Variants in CRPPA observed in about 807,000 individuals in gnomAD.
CRPPA encodes CDP-L-ribitol pyrophosphorylase A.
Under a neutral mutation model 52.0 loss-of-function variants are expected in CRPPA, and 43 were observed. The ratio of observed to expected loss-of-function variants is 0.83; its 90% confidence interval spans 0.65 to 1.07. The LOEUF (loss-of-function observed/expected upper bound fraction) is 1.07. Ranked by LOEUF, CRPPA falls within the 50% of genes least tolerant of loss-of-function variation. CRPPA has a pLI of 0.00. For missense variants in CRPPA, 629 were observed against 551.7 expected, an observed-to-expected ratio of 1.14 and a Z score of -1.40; for synonymous variants, 250 against 203.5, an observed-to-expected ratio of 1.23 and a Z score of -1.94.
chr7:16,321,707 A>G (rs920936057), intron 3 of CRPPA, among the ~76,000 whole-genome samples: 2 of 151,960 alleles, frequency 1.3e-5, no homozygotes, highest in African/African-American at 4.8e-5. Flanking sequence ...AGTTGGAGGA[A>G]CCAATTGGAT....
chr7:16,203,997 A>G (rs1278879795), intron 9 of CRPPA, among the ~76,000 whole-genome samples: 1 of 152,192 alleles, frequency 6.6e-6, no homozygotes, highest in East Asian at 1.9e-4. Context: ...CAAAATTTTA[A>G]GGATACTGGT....
chr7:16,258,367 A>C, intron 8 of CRPPA, 23 bp downstream of exon 8: 2 of 1,449,946 alleles, frequency 1.4e-6, no homozygotes, highest in Non-Finnish European at 1.9e-6. Context: ...AGTTTGAGAA[A>C]AATCTGCATT....
At chr7:16,110,902 C>T (rs759843394) in intron 9 of CRPPA, among the ~76,000 whole-genome samples, 1 of 151,652 alleles carries the variant, frequency 6.6e-6, no homozygotes, top group Non-Finnish European at 1.5e-5. Context: ...GATTGGACTA[C>T]ATAAGTACAG....
intron 9 of CRPPA, among the ~76,000 whole-genome samples, chr7:16,212,459 T>C (rs1782176541): frequency 6.6e-6 from 1 of 152,216 alleles, no homozygotes. Flanking sequence ...TCCCCCACTG[T>C]CTTCCACTGT....
intron 8 of CRPPA, among the ~76,000 whole-genome samples, chr7:16,244,441 A>C (rs921151193): frequency 1.8e-4 from 27 of 152,256 alleles, no homozygotes; most frequent in African/African-American, 6.3e-4. Context: ...GTTCAAAGTT[A>C]CATGACCCTT....
chr7:16,366,071 C>T (rs1786581415), intron 3 of CRPPA, among the ~76,000 whole-genome samples: 1 of 152,190 alleles, frequency 6.6e-6, no homozygotes, highest in Non-Finnish European at 1.5e-5. Context: ...ATCAAGGCTT[C>T]AGACCCTGTG....
intron 8 of CRPPA, among the ~76,000 whole-genome samples, chr7:16,254,221 A>T (rs1299515917): frequency 6.6e-6 from 1 of 152,186 alleles, no homozygotes; most frequent in African/African-American, 2.4e-5. Flanking sequence ...CATTTAACCC[A>T]GAGATCCCAT....
chr7:16,153,311 A>T (rs927267075), intron 9 of CRPPA, among the ~76,000 whole-genome samples: 3 of 152,058 alleles, frequency 2.0e-5, no homozygotes, highest in African/African-American at 7.2e-5. Flanking sequence ...CTGTGAGCAA[A>T]GTCTTTCCCT....
intron 2 of CRPPA, among the ~76,000 whole-genome samples, chr7:16,389,928 A>AAAAAATATATAT: frequency 1.7e-4 from 5 of 29,756 alleles, no homozygotes; most frequent in Admixed American, 5.4e-4. Context: ...AAAAAAAAAA[A>AAAAAATATATAT]ATATATATAT....
chr7:16,225,093 A>T (rs1782613743), intron 8 of CRPPA, among the ~76,000 whole-genome samples: 1 of 152,152 alleles, frequency 6.6e-6, no homozygotes, highest in South Asian at 2.1e-4. Context: ...GCATTAAAAC[A>T]TTAACCATAC....
At chr7:16,397,457 C>T (rs1012578131) in intron 2 of CRPPA, among the ~76,000 whole-genome samples, 13 of 152,144 alleles carry the variant, frequency 8.5e-5, no homozygotes, top group Non-Finnish European at 1.5e-4. Context: ...AGACGTGACA[C>T]GTGACATGTG....
At chr7:16,389,591 A>G (rs1787382967) in intron 2 of CRPPA, among the ~76,000 whole-genome samples, 1 of 152,104 alleles carries the variant, frequency 6.6e-6, no homozygotes, top group Non-Finnish European at 1.5e-5. Flanking sequence ...TAGAAACAGA[A>G]GAGATCTTGC....
intron 3 of CRPPA, among the ~76,000 whole-genome samples, chr7:16,348,197 C>A (rs1450200452): frequency 6.6e-6 from 1 of 152,162 alleles, no homozygotes; most frequent in East Asian, 1.9e-4. Flanking sequence ...AACTCCAAGT[C>A]TATTAATTTA....
At chr7:16,383,987 G>A (rs1000256559) in intron 2 of CRPPA, among the ~76,000 whole-genome samples, 13 of 152,274 alleles carry the variant, frequency 8.5e-5, no homozygotes, top group East Asian at 5.8e-4. Context: ...GCTCGCGCAC[G>A]GTGCGCTGCA....
At position 16,199,848 on chromosome 7, in the gene CRPPA, C is replaced by A. The variant is rs145397173; in HGVS notation, c.1251+16218G>T. On this transcript the variant is annotated intron_variant, in intron 9 of 9. Transcript: ENST00000407010. ...AAATTATTGCCTTCAGATCTGTAAG[C>A]TTTTTCTTTTTTTTTTTTTTTTTTT... 4.3e-3 allele frequency among the ~76,000 whole-genome samples: 616 copies of A among 143,236 alleles called. 6 individuals are homozygous for A. Among genetic ancestry groups the A allele is most frequent in the African/African-American group, 0.015 (591 of 39,084 alleles). The allele number at this position is 143,236 out of a possible 152,430, so 94.0% of individuals were successfully genotyped here. A position where few individuals can be genotyped will look rare whatever the true frequency, so the allele number is the denominator to read the frequency against.
intron 3 of CRPPA, among the ~76,000 whole-genome samples, chr7:16,330,326 T>G (rs6461237): frequency 0.53 from 80,406 of 152,032 alleles, 21,484 homozygotes; most frequent in South Asian, 0.64. Flanking sequence ...AAGACATATG[T>G]TTTTTGTTTC....
At chr7:16,378,466 T>G (rs1480787025) in intron 2 of CRPPA, among the ~76,000 whole-genome samples, 5 of 151,950 alleles carry the variant, frequency 3.3e-5, no homozygotes, top group Non-Finnish European at 7.4e-5. Context: ...CTGCATAGTA[T>G]TCTATGGTGT....
chr7:16,103,162 G>C (rs761955655), intron 9 of CRPPA, among the ~76,000 whole-genome samples: 6 of 152,124 alleles, frequency 3.9e-5, no homozygotes, highest in Non-Finnish European at 8.8e-5. Flanking sequence ...CAGGGACATG[G>C]ATGAAGCTGG....
chr7:16,247,683 C>A (rs1309679402), intron 8 of CRPPA, among the ~76,000 whole-genome samples: 2 of 151,862 alleles, frequency 1.3e-5, no homozygotes, highest in Non-Finnish European at 2.9e-5. Flanking sequence ...CACAGGGTTG[C>A]CAAAAAACTT....
Sources: gnomAD v4.1 joint callset for allele counts (sites outside exome capture counted in the v4.1 genomes callset) on GRCh38, gnomAD v4.1.1 for gene constraint, MANE v1.5 for transcripts, NCBI Gene and HGNC (gene_info 2026-07-23, HGNC 2026-07-21) for gene names.